FLCN: variants seen among roughly 807,000 people sequenced by gnomAD.
FLCN encodes the protein BHD skin lesion fibrofolliculoma protein.
A neutral mutation model predicts 62.5 loss-of-function variants in FLCN; 22 were observed. The observed-to-expected ratio is 0.35, with a 90% CI of 0.25 to 0.50. The LOEUF (loss-of-function observed/expected upper bound fraction) is 0.50. FLCN is among the 20% of genes least tolerant of loss of function. FLCN has a pLI of 0.97. For synonymous variants in FLCN, 319 were observed against 310.0 expected, an observed-to-expected ratio of 1.03 and a Z score of -0.30; for missense variants, 657 against 778.0, an observed-to-expected ratio of 0.84 and a Z score of 1.85.
chr17:17,236,598 T>C (rs1027899126), intron 1 of FLCN, among the ~76,000 whole-genome samples: 5 of 152,050 alleles, frequency 3.3e-5, no homozygotes, highest in African/African-American at 2.4e-5. Flanking sequence ...GCTACCCTAT[T>C]AGCGCATCAG....
intron 3 of FLCN, chr17:17,231,399 G>A (rs985940856): frequency 1.3e-5 from 2 of 152,194 alleles, no homozygotes; most frequent in Non-Finnish European, 2.9e-5. Context: ...TGGAGGGCTG[G>A]TGCTCAGTAG....
rs747647766 is a variant in FLCN at position 17,216,147 on chromosome 17, T to C, written c.1300+233A>G. ...GACACATCCTCCCACCCCACGATGGTGACCTGCAGCCCACTGACGACAGTC... is the reference window on the plus strand; with the variant it reads ...GACACATCCTCCCACCCCACGATGGCGACCTGCAGCCCACTGACGACAGTC... On this transcript the variant is annotated intron_variant, in intron 11 of 13. Transcript: ENST00000285071. This position sits in a 1 kb window ranked among gnomAD's most constrained non-coding sequence, Gnocchi z 4.0. 6.6e-6 allele frequency among the ~76,000 whole-genome samples: 1 copy of C among 152,124 alleles called. No homozygotes were observed. Among genetic ancestry groups the C allele is most frequent in the Non-Finnish European group, 1.5e-5 (1 of 68,012 alleles).
chr17:17,217,390 T>C, intron 9 of FLCN: 1 of 604,764 alleles, frequency 1.7e-6, no homozygotes, highest in South Asian at 1.9e-5. Context: ...AAATGCTAGA[T>C]TCCAAAGCTC....
At chr17:17,222,826 C>A (rs552278878) in intron 6 of FLCN, 165 bp from the exon 7 acceptor site, 3 of 774,828 alleles carry the variant, frequency 3.9e-6, no homozygotes, top group South Asian at 3.0e-5. Context: ...TCATTCCCAA[C>A]AGCATAGCTC....
intron 4 of FLCN, among the ~76,000 whole-genome samples, chr17:17,227,566 A>C (rs2145032403): frequency 6.6e-6 from 1 of 152,248 alleles, no homozygotes. Context: ...ATACAAAATT[A>C]GCCAGGCGTG....
At position 17,215,000 on chromosome 17, in the gene FLCN, T is replaced by C. The variant is rs199643834; in HGVS notation, c.1523A>G (p.Lys508Arg). 3.9e-4 allele frequency: 631 copies of C among 1,614,004 alleles called. 1 individual carries two copies. The highest frequency in any genetic ancestry group is 5.2e-4 in the Non-Finnish European group (613 of 1,180,026). The change falls in exon 13 of 14, where the codon AAG becomes AGG. Residue 508 changes from lysine to arginine, a missense_variant. Coordinates refer to ENST00000285071, the MANE Select transcript of FLCN (RefSeq NM_144997.7). Reference protein sequence around the residue: ...DVVDQCLVCLKEEWMNKVKVL... With the variant: ...DVVDQCLVCLREEWMNKVKVL... ...TGTTGCTTACTTCATCCACTCCTCCTTGAGGCAGACGAGGCACTGGTCCAC... is the reference window on the plus strand; with the variant it reads ...TGTTGCTTACTTCATCCACTCCTCCCTGAGGCAGACGAGGCACTGGTCCAC...
chr17:17,218,452 T>C (rs1201913528), intron 9 of FLCN, among the ~76,000 whole-genome samples: 2 of 150,990 alleles, frequency 1.3e-5, no homozygotes, highest in African/African-American at 2.4e-5. Flanking sequence ...TGGTGCCATC[T>C]TGGCTCACTG....
chr17:17,222,798 A>G (rs1018125142), intron 6 of FLCN, 137 bp from the exon 7 acceptor site: 2 of 976,746 alleles, frequency 2.0e-6, no homozygotes, highest in Admixed American at 2.0e-5. Context: ...CAGAGCACAC[A>G]AAGTGCCACC....
At position 17,216,073 on chromosome 17, in the gene FLCN, C is replaced by T. The variant is rs991150208; in HGVS notation, c.1300+307G>A. 3.2e-4 allele frequency among the ~76,000 whole-genome samples: 49 copies of T among 152,276 alleles called. No individual in the cohort carries two copies. Among genetic ancestry groups the T allele is most frequent in the Non-Finnish European group, 7.4e-5 (5 of 68,012 alleles). On this transcript the variant is annotated intron_variant, in intron 11 of 13. Transcript: ENST00000285071. This position sits in a 1 kb window ranked among gnomAD's most constrained non-coding sequence, Gnocchi z 4.0. ...TCACACCCAGCATTCAGCAGGCCTC[C>T]ATCTCATAGGCACCCAATCACCAGG...
intron 5 of FLCN, 109 bp downstream of exon 5, chr17:17,226,067 G>A (rs1459349513): frequency 6.7e-7 from 1 of 1,499,978 alleles, no homozygotes; most frequent in Non-Finnish European, 9.1e-7. Flanking sequence ...TCCGCCCTGA[G>A]AGAGGACCAG....
At chr17:17,217,493 C>G (rs765075764) in intron 9 of FLCN, 1 of 424,214 alleles carries the variant, frequency 2.4e-6, no homozygotes, top group Non-Finnish European at 4.4e-6. Context: ...TCTACAGACA[C>G]TTTCTGCTGA....
In FLCN at chr17:17,219,110, T is replaced by C. The variant is rs767368450; in HGVS notation, c.971A>G (p.Gln324Arg). The C allele has an allele frequency of 1.7e-5, 27 of 1,614,068 alleles. No homozygotes were observed. Among genetic ancestry groups the C allele is most frequent in the Non-Finnish European group, 1.9e-5 (23 of 1,180,024 alleles). Residue 324 changes from glutamine (Q) to arginine (R), a missense_variant, in exon 9 of 14, where the codon CAG becomes CGG. Physicochemically the swap from Gln to Arg is conservative, Grantham distance 43. Transcript: ENST00000285071. ...PESTEGRELT[Q>R]GPAESSSLSG... Reference sequence around the variant, plus strand: ...GAGAGAGGAGGACTCTGCCGGGCCCTGGGTCAGCTCCCGCCCTTCTGTACT... The same window carrying C: ...GAGAGAGGAGGACTCTGCCGGGCCCCGGGTCAGCTCCCGCCCTTCTGTACT...
intron 1 of FLCN, 84 bp downstream of exon 1, chr17:17,236,828 T>TA (rs2047593929): frequency 6.6e-6 from 1 of 152,040 alleles, no homozygotes; most frequent in African/African-American, 2.4e-5. Context: ...ACTCTGGCCC[T>TA]AAACCCTCCC....
chr17:17,212,786 CA>C lies in FLCN; in HGVS notation c.*868del, dbSNP rs1353176601. On this transcript the variant is annotated 3_prime_UTR_variant, in exon 14 of 14. Coordinates refer to ENST00000285071, the MANE Select transcript of FLCN (RefSeq NM_144997.7). Reference sequence around the variant, plus strand: ...GGGCAACAAGAGTGAAACTCCCTCTCAAAAAAAAAAGTACAGTGGGATGATG... The same window carrying C: ...GGGCAACAAGAGTGAAACTCCCTCTCAAAAAAAAAGTACAGTGGGATGATG... The C allele has an allele frequency of 2.7e-3, 524 of 194,890 alleles. No homozygotes were observed. Among genetic ancestry groups the C allele is most frequent in the East Asian group, 5.7e-3 (69 of 12,122 alleles). The allele number at this position is 194,890 out of a possible 1,614,324, so 12.1% of individuals were successfully genotyped here.
intron 2 of FLCN, among the ~76,000 whole-genome samples, 171 bp downstream of exon 2, chr17:17,232,617 G>T (rs1315088492): frequency 6.6e-6 from 1 of 152,188 alleles, no homozygotes; most frequent in Non-Finnish European, 1.5e-5. Context: ...GATGGAGTAA[G>T]GGGTAGCAGG....
rs2047601141 is a variant in FLCN, at chr17:17,237,026, C to T, written c.-342G>A. 6.6e-6 allele frequency: 1 copy of T among 152,298 alleles called. No homozygotes were observed. Among genetic ancestry groups the T allele is most frequent in the Admixed American group, 6.5e-5 (1 of 15,298 alleles). 9.4% of individuals were successfully genotyped at this position (152,298 alleles called of 1,614,324 possible). On this transcript the variant is annotated 5_prime_UTR_variant, in exon 1 of 14. Transcript: ENST00000285071. ...TAGGTGGTCGCTGCGGGACCCGGAC[C>T]GGCGGAATCACACCCAGAGCCCCCA...
In FLCN at chr17:17,224,156, C is replaced by T. The variant is rs3744123; in HGVS notation, c.397-13G>A. On this transcript the variant is annotated splice_polypyrimidine_tract_variant and intron_variant, in intron 5 of 13. Coordinates refer to ENST00000285071, the MANE Select transcript of FLCN (RefSeq NM_144997.7). ...GGCCAGGGCAGACCTGGAGGGACACCGGCGACTCAGACAGCCCTTTCCTCG... is the reference window on the plus strand; with the variant it reads ...GGCCAGGGCAGACCTGGAGGGACACTGGCGACTCAGACAGCCCTTTCCTCG... 50,078 of 1,569,198 alleles carry T rather than the reference C, an allele frequency of 0.032. 1,820 individuals are homozygous for T. The highest frequency in any genetic ancestry group is 0.18 in the African/African-American group (13,579 of 74,160).
Position 17,215,207 on chromosome 17 carries a change from C to A in FLCN, c.1410G>T (p.Gly470=). The A allele has an allele frequency of 1.2e-6, 2 of 1,614,208 alleles. No homozygotes were observed. Among genetic ancestry groups the A allele is most frequent in the Non-Finnish European group, 1.7e-6 (2 of 1,180,040 alleles). ...CACCTCGGTCTGCAGCTACAGGGCT[C>A]CCACTGGTCACCACAAACTCGTACT... ...LSKYEFVVTS[G]SPVAADRVGP... The change falls in exon 12 of 14, where the codon GGG becomes GGT. Residue 470 remains glycine, a synonymous_variant. Coordinates refer to ENST00000285071, the MANE Select transcript of FLCN (RefSeq NM_144997.7).
At chr17:17,224,418 G>A (rs970019655) in intron 5 of FLCN, 9 of 513,844 alleles carry the variant, frequency 1.8e-5, no homozygotes, top group Non-Finnish European at 3.2e-5. Context: ...CCATGCATAT[G>A]TCACACCTCT....
Sources: allele counts gnomAD v4.1 joint callset (sites outside exome capture counted in the v4.1 genomes callset), GRCh38; gene constraint gnomAD v4.1.1; non-coding constraint Gnocchi (gnomAD v3.1); transcripts MANE v1.5; gene names NCBI Gene and HGNC (gene_info 2026-07-23, HGNC 2026-07-21).